Variants in CREB5 observed in about 807,000 individuals in gnomAD.
CREB5 encodes cyclic AMP-responsive element-binding protein 5.
A neutral mutation model predicts 57.1 loss-of-function variants in CREB5; 19 were observed. The observed-to-expected ratio is 0.33, with a 90% CI of 0.23 to 0.49. The LOEUF is 0.49. Among genes scored for constraint, CREB5 ranks in the 20% least tolerant of loss-of-function variants. The probability of loss-of-function intolerance (pLI) is 0.99; values close to 1 mark genes in which losing one functional copy is unlikely to be tolerated. For missense variants in CREB5, 579 were observed against 671.6 expected (o/e 0.86, Z 1.52); for synonymous variants, 238 against 238.3 (o/e 1.00, Z 0.01).
At chr7:28,777,930 TG>T (rs1806756974) in intron 7 of CREB5, among the ~76,000 whole-genome samples, 1 of 152,248 alleles carries the variant, frequency 6.6e-6, no homozygotes, top group Non-Finnish European at 1.5e-5. Flanking sequence ...TTTGGTCTTT[TG>T]TCTATGCATA....
intron 5 of CREB5, among the ~76,000 whole-genome samples, chr7:28,607,672 G>C (rs752064842): frequency 2.0e-5 from 3 of 151,560 alleles, no homozygotes; most frequent in African/African-American, 7.3e-5. Context: ...CGTTTTATCT[G>C]TTGAACCACA....
intron 4 of CREB5, among the ~76,000 whole-genome samples, chr7:28,543,578 T>TA (rs34533813): frequency 0.27 from 25,318 of 92,086 alleles, 3,574 homozygotes; most frequent in African/African-American, 0.4. Context: ...TCATTTTAGG[T>TA]AAAAAAAAAA....
chr7:28,595,245 ATTT>A (rs1242866621), intron 5 of CREB5, among the ~76,000 whole-genome samples: 1 of 151,496 alleles, frequency 6.6e-6, no homozygotes, highest in Non-Finnish European at 1.5e-5. Flanking sequence ...AGCAGCATGG[ATTT>A]GTTCTTTGGT....
intron 7 of CREB5, among the ~76,000 whole-genome samples, chr7:28,744,382 T>A (rs1406852609): frequency 2.7e-5 from 4 of 146,408 alleles, no homozygotes; most frequent in Non-Finnish European, 3.0e-5. Flanking sequence ...GGAGTCTTGC[T>A]TTGTTACCAG....
chr7:28,555,608 A>AT (rs541182034), intron 4 of CREB5, among the ~76,000 whole-genome samples: 3 of 152,150 alleles, frequency 2.0e-5, no homozygotes, highest in East Asian at 3.8e-4. Context: ...CTGTAATTTG[A>AT]TTTTTTTTAA....
intron 5 of CREB5, among the ~76,000 whole-genome samples, chr7:28,657,543 A>G (rs1799377518): frequency 6.6e-6 from 1 of 152,002 alleles, no homozygotes; most frequent in Non-Finnish European, 1.5e-5. Context: ...AGCCTGGCCA[A>G]TATAGTGAAA....
chr7:28,345,029 A>C (rs992776), intron 1 of CREB5, among the ~76,000 whole-genome samples: 3 of 152,032 alleles, frequency 2.0e-5, no homozygotes, highest in African/African-American at 7.2e-5. Flanking sequence ...TTAATGGACA[A>C]GAAGGGAGAA....
At chr7:28,720,686 T>G (rs1277621373) in intron 6 of CREB5, among the ~76,000 whole-genome samples, 1 of 152,170 alleles carries the variant, frequency 6.6e-6, no homozygotes, top group African/African-American at 2.4e-5. Flanking sequence ...TTACCTATGT[T>G]GCTCTCCTTA....
intron 6 of CREB5, among the ~76,000 whole-genome samples, chr7:28,719,857 C>G (rs866510722): frequency 2.0e-5 from 3 of 152,168 alleles, no homozygotes; most frequent in Middle Eastern, 6.8e-3. Context: ...GTCAAGAGAT[C>G]GAGACCAGCC....
At chr7:28,454,643 G>A (rs1414837537) in intron 1 of CREB5, among the ~76,000 whole-genome samples, 1 of 152,166 alleles carries the variant, frequency 6.6e-6, no homozygotes, top group Non-Finnish European at 1.5e-5. Flanking sequence ...TTATTTCCAT[G>A]ATGCTTGGTT....
intron 1 of CREB5, among the ~76,000 whole-genome samples, chr7:28,324,753 C>A (rs1785552715): frequency 6.6e-6 from 1 of 152,198 alleles, no homozygotes; most frequent in South Asian, 2.1e-4. Flanking sequence ...ATCCAATTGT[C>A]ACAGGCATCA....
intron 1 of CREB5, among the ~76,000 whole-genome samples, chr7:28,322,837 T>C (rs1389074832): frequency 6.6e-6 from 1 of 152,186 alleles, no homozygotes; most frequent in African/African-American, 2.4e-5. Flanking sequence ...ACATTGTCTT[T>C]ATCCAGTGTA....
chr7:28,657,771 A>G (rs1799395010), intron 5 of CREB5, among the ~76,000 whole-genome samples: 1 of 151,534 alleles, frequency 6.6e-6, no homozygotes, highest in African/African-American at 2.4e-5. Context: ...TATTCTAGTC[A>G]TTATGTCTCC....
chr7:28,471,550 C>T (rs1476734792), intron 1 of CREB5, among the ~76,000 whole-genome samples: 1 of 152,178 alleles, frequency 6.6e-6, no homozygotes, highest in Non-Finnish European at 1.5e-5. Flanking sequence ...TACTACAGAG[C>T]TGGGGCTTAC....
chr7:28,738,081 G>A (rs1419340635), intron 7 of CREB5, among the ~76,000 whole-genome samples: 1 of 152,020 alleles, frequency 6.6e-6, no homozygotes, highest in Non-Finnish European at 1.5e-5. Flanking sequence ...GGCTAAAATT[G>A]CACAGAAGAC....
chr7:28,500,936 G>C (rs1272339217), intron 3 of CREB5, among the ~76,000 whole-genome samples: 1 of 152,096 alleles, frequency 6.6e-6, no homozygotes, highest in African/African-American at 2.4e-5. Flanking sequence ...TCTTTATGGA[G>C]CAGAGGGTGG....
At chr7:28,700,842 T>TA (rs764021231) in intron 5 of CREB5, among the ~76,000 whole-genome samples, 86 of 152,130 alleles carry the variant, frequency 5.7e-4, no homozygotes, top group African/African-American at 2.0e-3. Flanking sequence ...GTTTCACAGA[T>TA]AGAGTTACGA....
chr7:28,554,495 C>T (rs970061336), intron 4 of CREB5, among the ~76,000 whole-genome samples: 7 of 152,224 alleles, frequency 4.6e-5, no homozygotes, highest in African/African-American at 1.4e-4. Flanking sequence ...GGAGCCTTCT[C>T]CCTTCCTTTT....
chr7:28,599,668 A>G (rs1796831889), intron 5 of CREB5, among the ~76,000 whole-genome samples: 1 of 152,182 alleles, frequency 6.6e-6, no homozygotes, highest in Non-Finnish European at 1.5e-5. Context: ...TCCAACACCT[A>G]TTTCTATCTG....
Sources: allele counts gnomAD v4.1 joint callset (sites outside exome capture counted in the v4.1 genomes callset), GRCh38; gene constraint gnomAD v4.1.1; transcripts MANE v1.5; gene names NCBI Gene and HGNC (gene_info 2026-07-23, HGNC 2026-07-21).